NANOS3: variants seen among roughly 807,000 people sequenced by gnomAD.
NANOS3 encodes the protein nanos homolog 3.
Under a neutral mutation model 13.8 loss-of-function variants are expected in NANOS3, and 11 were observed. The ratio of observed to expected loss-of-function variants is 0.80; its 90% CI spans 0.50 to 1.32. NANOS3 has a LOEUF of 1.32. Ranked by LOEUF, NANOS3 falls within the 40% of genes most tolerant of loss-of-function variation. The probability of loss-of-function intolerance (pLI) is 0.00; values close to 1 mark genes in which losing one functional copy is unlikely to be tolerated. For missense variants in NANOS3, 221 were observed against 263.8 expected, an observed-to-expected ratio of 0.84 and a Z score of 1.12; for synonymous variants, 119 against 115.4, an observed-to-expected ratio of 1.03 and a Z score of -0.20.
At chr19:13,870,557 T>C (rs1289194589) in intron 1 of NANOS3, among the ~76,000 whole-genome samples, 1 of 134,102 alleles carries the variant, frequency 7.5e-6, no homozygotes, top group African/African-American at 2.8e-5. Context: ...TGGGATAGCG[T>C]GGCTTTTTTT....
At chr19:13,866,587 G>GGAT (rs1313964710) in intron 1 of NANOS3, among the ~76,000 whole-genome samples, 1 of 152,200 alleles carries the variant, frequency 6.6e-6, no homozygotes, top group Non-Finnish European at 1.5e-5. Flanking sequence ...GGACATCCAG[G>GGAT]GATAGTGCCC....
At chr19:13,866,005 C>T (rs923769001) in intron 1 of NANOS3, among the ~76,000 whole-genome samples, 1 of 151,942 alleles carries the variant, frequency 6.6e-6, no homozygotes, top group Non-Finnish European at 1.5e-5. Context: ...CTGGCGGGGG[C>T]CCCGCTCAGG....
upstream of NANOS3, among the ~76,000 whole-genome samples, chr19:13,877,022 G>A (rs1968526704): frequency 6.6e-6 from 1 of 152,162 alleles, no homozygotes; most frequent in Admixed American, 6.5e-5. Flanking sequence ...TTTAGGAGGA[G>A]TATTAGTGGG....
intron 1 of NANOS3, 88 bp downstream of exon 1, chr19:13,877,853 C>A (rs1005052744): frequency 1.4e-6 from 2 of 1,467,260 alleles, no homozygotes; most frequent in Non-Finnish European, 1.8e-6. Context: ...TACCCACCTC[C>A]AAGGGTTAGG....
chr19:13,870,229 A>G (rs1663743054), intron 1 of NANOS3, among the ~76,000 whole-genome samples: 1 of 151,432 alleles, frequency 6.6e-6, no homozygotes, highest in Admixed American at 6.6e-5. Context: ...ACAGGCGCAC[A>G]CCACCACACC....
intron 1 of NANOS3, among the ~76,000 whole-genome samples, chr19:13,866,538 A>G (rs1976244416): frequency 6.6e-6 from 1 of 152,184 alleles, no homozygotes; most frequent in South Asian, 2.1e-4. Context: ...CCCCACAATA[A>G]CACTGCCACG....
intron 1 of NANOS3, among the ~76,000 whole-genome samples, chr19:13,870,077 T>C (rs1976303404): frequency 6.6e-6 from 1 of 150,610 alleles, no homozygotes; most frequent in African/African-American, 2.4e-5. Flanking sequence ...TGAGACAGGG[T>C]CTCACTCCTG....
upstream of NANOS3, among the ~76,000 whole-genome samples, chr19:13,874,259 G>C (rs1489081447): frequency 6.6e-6 from 1 of 152,096 alleles, no homozygotes; most frequent in South Asian, 2.1e-4. Context: ...CTCCCAGAAC[G>C]TATTACATTG....
rs554710422 is a variant in NANOS3 at position 13,870,307 on chromosome 19, C to T, written n.21+4870C>T. 3.1e-4 allele frequency among the ~76,000 whole-genome samples: 47 copies of T among 152,246 alleles called. 1 individual carries two copies. The highest frequency in any genetic ancestry group is 1.0e-3 in the African/African-American group (42 of 41,556). On this transcript the variant is annotated intron_variant and non_coding_transcript_variant, in intron 1 of 2. Coordinates refer to the NANOS3 transcript ENST00000591161. The stretch of plus-strand genomic sequence containing the variant: ...TGTTGCTCAGGCTGGTCTTGAACTC[C>T]TGTGCTCAGTCAGTCTTCCTGCTTT...
At chr19:13,871,292 G>A (rs1976324094) in intron 1 of NANOS3, among the ~76,000 whole-genome samples, 1 of 152,134 alleles carries the variant, frequency 6.6e-6, no homozygotes, top group South Asian at 2.1e-4. Flanking sequence ...CTGGGCAGGA[G>A]ACCCAGATGG....
chr19:13,872,238 A>G (rs1329082146), upstream of NANOS3, among the ~76,000 whole-genome samples: 3 of 150,894 alleles, frequency 2.0e-5, no homozygotes, highest in African/African-American at 7.3e-5. Context: ...CCAGCTACTC[A>G]GGAGGCTGAG....
upstream of NANOS3, chr19:13,874,739 C>A (rs758749099): frequency 3.7e-6 from 2 of 534,350 alleles, no homozygotes; most frequent in South Asian, 2.8e-5. Flanking sequence ...TTCAACCTGT[C>A]GGTGAGTTTG....
chr19:13,878,619 T>TC (rs1276590915), intron 1 of NANOS3, among the ~76,000 whole-genome samples: 1 of 151,594 alleles, frequency 6.6e-6, no homozygotes, highest in Non-Finnish European at 1.5e-5. Flanking sequence ...TTTTTTAATT[T>TC]TTTTTTTTGA....
upstream of NANOS3, among the ~76,000 whole-genome samples, chr19:13,872,965 A>G (rs1211963120): frequency 6.8e-6 from 1 of 146,270 alleles, no homozygotes; most frequent in Non-Finnish European, 1.5e-5. Context: ...GAGGGGCCCT[A>G]CGAAATTCGG....
chr19:13,875,986 C>T (rs1433046708), upstream of NANOS3, among the ~76,000 whole-genome samples: 2 of 152,120 alleles, frequency 1.3e-5, no homozygotes, highest in African/African-American at 2.4e-5. Context: ...TACTAGGGGT[C>T]CCCTCCTAAC....
upstream of NANOS3, among the ~76,000 whole-genome samples, chr19:13,863,020 C>T (rs1335616963): frequency 2.0e-5 from 3 of 152,200 alleles, no homozygotes; most frequent in Non-Finnish European, 4.4e-5. Flanking sequence ...AGAACTCTAC[C>T]CTGGGCCCAC....
At chr19:13,870,385 G>T (rs1227023957) in intron 1 of NANOS3, among the ~76,000 whole-genome samples, 1 of 151,800 alleles carries the variant, frequency 6.6e-6, no homozygotes, top group African/African-American at 2.4e-5. Context: ...GCCCAGCCTT[G>T]TTCTTCAGCT....
intron 1 of NANOS3, among the ~76,000 whole-genome samples, chr19:13,866,039 G>A (rs1976233986): frequency 6.6e-6 from 1 of 152,136 alleles, no homozygotes; most frequent in South Asian, 2.1e-4. Context: ...TGGGGGTGCT[G>A]CAGCCGCGCC....
chr19:13,873,359 TG>T (rs1374557514), upstream of NANOS3, among the ~76,000 whole-genome samples: 1 of 145,118 alleles, frequency 6.9e-6, no homozygotes, highest in Non-Finnish European at 1.5e-5. Context: ...GGTGGGGGGG[TG>T]GTTCACGCAG....
Sources: allele counts gnomAD v4.1 joint callset (sites outside exome capture counted in the v4.1 genomes callset), GRCh38; gene constraint gnomAD v4.1.1; transcripts MANE v1.5; gene names NCBI Gene and HGNC (gene_info 2026-07-23, HGNC 2026-07-21).